Variants in COL19A1 observed in about 807,000 individuals in gnomAD.
The protein encoded by COL19A1 is collagen alpha-1(XIX) chain.
In COL19A1, 159 loss-of-function variants were observed where a neutral mutation model predicts 190.2. The observed-to-expected ratio is 0.84, with a 90% CI of 0.73 to 0.95. The LOEUF (loss-of-function observed/expected upper bound fraction) is 0.95. Ranked by LOEUF, COL19A1 falls within the 40% of genes least tolerant of loss-of-function variation. COL19A1 has a pLI of 0.00. For synonymous variants in COL19A1, 509 were observed against 458.9 expected (o/e 1.11, Z -1.39); for missense variants, 1,418 against 1,431.9 (o/e 0.99, Z 0.16).
chr6:69,966,716 T>C lies in COL19A1; in HGVS notation c.1026+3846T>C, dbSNP rs138990364. ...GCTGACCTTCCCTCCACTATTGTCC[T>C]ATGACCCCGCCAAATCCCCCTCTCT... On this transcript the variant is annotated intron_variant, in intron 11 of 50. Transcript: ENST00000620364. 5.5e-3 allele frequency among the ~76,000 whole-genome samples: 827 copies of C among 151,140 alleles called. 18 individuals carry two copies. In the East Asian group the frequency reaches 0.068, roughly 12 times the overall value.
intron 15 of COL19A1, among the ~76,000 whole-genome samples, chr6:70,077,153 A>G (rs376619117): frequency 2.0e-5 from 3 of 152,220 alleles, no homozygotes; most frequent in Admixed American, 6.5e-5. Context: ...GTAAAACTCT[A>G]TAGTATTTTG....
chr6:70,086,245 T>C (rs1023797699), intron 15 of COL19A1, among the ~76,000 whole-genome samples: 2 of 152,044 alleles, frequency 1.3e-5, no homozygotes, highest in Non-Finnish European at 2.9e-5. Context: ...AGCAGTTAAA[T>C]ATAACAAACT....
At chr6:69,977,418 TGGGGGGA>T (rs1390398794) in intron 11 of COL19A1, among the ~76,000 whole-genome samples, 5 of 4,432 alleles carry the variant, frequency 1.1e-3, no homozygotes, top group East Asian at 0.016. Context: ...TGTTGTGGGG[TGGGGGGA>T]GGGGGGAGGG....
At chr6:70,155,605 C>T (rs376811430) in intron 31 of COL19A1, among the ~76,000 whole-genome samples, 3 of 152,138 alleles carry the variant, frequency 2.0e-5, no homozygotes, top group Non-Finnish European at 2.9e-5. Context: ...TTATTTCTCT[C>T]GAGTGCCTCC....
intron 20 of COL19A1, 112 bp downstream of exon 20, chr6:70,141,101 A>G: frequency 1.1e-6 from 1 of 929,088 alleles, no homozygotes; most frequent in South Asian, 1.7e-5. Context: ...AATAAGGTCC[A>G]TGAGCATTTT....
Position 70,190,341 on chromosome 6 carries a change from A to T in COL19A1, c.3054A>T (p.Ile1018=). Residue 1018 remains isoleucine, a synonymous_variant, in exon 48 of 51, where the codon ATA becomes ATT. Coordinates refer to ENST00000620364, the MANE Select transcript of COL19A1 (RefSeq NM_001858.6). ...CTGATGCAGTTTCATTTGAAGAAAT[A>T]AAGAAGTATATTAATCAAGAGGTCC... The part of the protein sequence containing the change: ...IPADAVSFEE[I]KKYINQEVLR... 2 of 1,607,038 alleles carry T rather than the reference A, an allele frequency of 1.2e-6. No homozygotes were observed. Among genetic ancestry groups the T allele is most frequent in the South Asian group, 2.2e-5 (2 of 89,828 alleles).
chr6:70,098,986 C>T lies in COL19A1; in HGVS notation c.1225-3183C>T, dbSNP rs142331849. On this transcript the variant is annotated intron_variant, in intron 15 of 50. Transcript: ENST00000620364. Reference sequence around the variant, plus strand: ...GTAATCCCAACACTTTGGGAGGAGGCCAGAGCCGGAGAATCACTTCAGTCC... The same window carrying T: ...GTAATCCCAACACTTTGGGAGGAGGTCAGAGCCGGAGAATCACTTCAGTCC... 2.1e-5 allele frequency among the ~76,000 whole-genome samples: 3 copies of T among 144,152 alleles called. No individual in the cohort carries two copies. The East Asian group carries it at 6.2e-4, about 30-fold the overall frequency. The allele number at this position is 144,152 out of a possible 152,430, so 94.6% of individuals were successfully genotyped here.
chr6:69,938,648 T>C (rs9454918), intron 9 of COL19A1, among the ~76,000 whole-genome samples: 25,737 of 152,094 alleles, frequency 0.17, 2,856 homozygotes, highest in African/African-American at 0.3. Context: ...CAAGGCCATA[T>C]GTGTTAGGTG....
rs73746814 is a variant in COL19A1, at chr6:69,911,420, T to C, written c.266+11082T>C. On this transcript the variant is annotated intron_variant, in intron 4 of 50. Coordinates refer to ENST00000620364, the MANE Select transcript of COL19A1 (RefSeq NM_001858.6). ...CCCAAATTAGGTGACATTTTAATAA[T>C]TTTAGACTAAAGTAATAAAATATTC... 7.8e-3 allele frequency among the ~76,000 whole-genome samples: 1,195 copies of C among 152,320 alleles called. 17 individuals carry two copies. Among genetic ancestry groups the C allele is most frequent in the African/African-American group, 0.027 (1,111 of 41,568 alleles).
intron 12 of COL19A1, among the ~76,000 whole-genome samples, chr6:70,028,753 A>G (rs1050597185): frequency 1.3e-5 from 2 of 152,046 alleles, no homozygotes; most frequent in Non-Finnish European, 2.9e-5. Context: ...TGGGGTTATC[A>G]CTCTCTGTAC....
At chr6:69,884,396 T>C (rs1338798845) in intron 2 of COL19A1, among the ~76,000 whole-genome samples, 1 of 151,316 alleles carries the variant, frequency 6.6e-6, no homozygotes, top group African/African-American at 2.4e-5. Context: ...ACAAAAGATG[T>C]GATGTTATCT....
intron 18 of COL19A1, among the ~76,000 whole-genome samples, chr6:70,135,220 C>T (rs2150228171): frequency 6.6e-6 from 1 of 152,300 alleles, no homozygotes; most frequent in East Asian, 1.9e-4. Flanking sequence ...AACCTCTAAA[C>T]TTCAGCTCTA....
chr6:69,963,247 A>G (rs1774907006), intron 11 of COL19A1, among the ~76,000 whole-genome samples: 1 of 152,194 alleles, frequency 6.6e-6, no homozygotes, highest in South Asian at 2.1e-4. Context: ...TTTTTCCTGA[A>G]GGAGTAAATA....
At chr6:69,954,753 C>T (rs1205009431) in intron 9 of COL19A1, among the ~76,000 whole-genome samples, 1 of 152,018 alleles carries the variant, frequency 6.6e-6, no homozygotes, top group Non-Finnish European at 1.5e-5. Flanking sequence ...AACTTTCTTA[C>T]AACATTGTTA....
At chr6:70,113,930 A>T (rs1784421163) in intron 16 of COL19A1, among the ~76,000 whole-genome samples, 1 of 144,008 alleles carries the variant, frequency 6.9e-6, no homozygotes. Context: ...AGCTAACTGC[A>T]ACCTCTGCCT....
intron 48 of COL19A1, among the ~76,000 whole-genome samples, chr6:70,190,903 TA>T (rs1431460831): frequency 6.6e-6 from 1 of 152,188 alleles, no homozygotes; most frequent in African/African-American, 2.4e-5. Flanking sequence ...TGCTTTTTGG[TA>T]GGGAGCAGTG....
chr6:69,885,863 C>T (rs1439491739), intron 2 of COL19A1, among the ~76,000 whole-genome samples: 1 of 151,940 alleles, frequency 6.6e-6, no homozygotes, highest in Admixed American at 6.6e-5. Flanking sequence ...AATGTAATCA[C>T]AAAAACCGTA....
At chr6:69,870,834 A>C (rs1397521564) in intron 1 of COL19A1, among the ~76,000 whole-genome samples, 2 of 152,244 alleles carry the variant, frequency 1.3e-5, no homozygotes, top group Non-Finnish European at 2.9e-5. Flanking sequence ...GAACTAAGGC[A>C]GTTTCAGCGA....
At chr6:69,926,329 C>G (rs1772393267) in intron 4 of COL19A1, among the ~76,000 whole-genome samples, 1 of 152,132 alleles carries the variant, frequency 6.6e-6, no homozygotes, top group Non-Finnish European at 1.5e-5. Context: ...AGACATTAAA[C>G]TTACTTAACA....
Sources: gnomAD v4.1 joint callset for allele counts (sites outside exome capture counted in the v4.1 genomes callset) on GRCh38, gnomAD v4.1.1 for gene constraint, MANE v1.5 for transcripts, NCBI Gene and HGNC (gene_info 2026-07-23, HGNC 2026-07-21) for gene names.